CDKL5: variants seen among roughly 807,000 people sequenced by gnomAD.
CDKL5 encodes the protein cyclin-dependent kinase-like 5.
CDKL5 carries 8 observed loss-of-function variants against 61.7 expected under a neutral mutation model. That is an observed-to-expected ratio of 0.13 (90% confidence interval 0.08 to 0.23). The LOEUF (loss-of-function observed/expected upper bound fraction) is 0.23. Among genes scored for constraint, CDKL5 ranks in the 10% least tolerant of loss-of-function variants. The pLI is 1.00. For synonymous variants in CDKL5, 275 were observed against 272.3 expected (o/e 1.01, Z -0.10); for missense variants, 440 against 734.5 (o/e 0.60, Z 4.63).
At chrX:18,480,346 C>T (rs746612593) in intron 1 of CDKL5, among the ~76,000 whole-genome samples, 6 of 111,570 alleles carry the variant, frequency 5.4e-5, no homozygotes, top group Non-Finnish European at 1.1e-4. Flanking sequence ...AGGAAGACCA[C>T]GTAAGTAAAG....
At chrX:18,572,917 G>GT (rs1308137272) in intron 4 of CDKL5, among the ~76,000 whole-genome samples, 2 of 112,019 alleles carry the variant, frequency 1.8e-5, no homozygotes, top group Admixed American at 9.5e-5. Flanking sequence ...AAGAAAAATG[G>GT]TAAGAAGTTC....
At chrX:18,552,443 T>C (rs1466413804) in intron 3 of CDKL5, among the ~76,000 whole-genome samples, 1 of 111,738 alleles carries the variant, frequency 8.9e-6, no homozygotes, top group East Asian at 2.8e-4. Context: ...ACAGGATATA[T>C]GTTTTACATT....
At chrX:18,595,140 C>T (rs940309951) in intron 9 of CDKL5, among the ~76,000 whole-genome samples, 10 of 112,031 alleles carry the variant, frequency 8.9e-5, no homozygotes, top group Non-Finnish European at 1.7e-4. Flanking sequence ...CCAGATCGCA[C>T]CATTGCATTC....
Position 18,632,700 on chromosome X carries a change from A to G in CDKL5, c.*3943A>G. The G allele has an allele frequency of 1.9e-5, 14 of 753,933 alleles. No homozygotes were observed. The highest frequency in any genetic ancestry group is 2.2e-5 in the Non-Finnish European group (14 of 638,949). The allele number at this position is 753,933 out of a possible 1,213,427, so 62.1% of individuals were successfully genotyped here. The stretch of plus-strand genomic sequence containing the variant: ...GCTCAGAGCTATGCTGTCAGTCTCT[A>G]GTCACGCCATGTATTATAAAGTATG... On this transcript the variant is annotated 3_prime_UTR_variant, in exon 18 of 18. Coordinates refer to ENST00000623535, the MANE Select transcript of CDKL5 (RefSeq NM_001323289.2).
At chrX:18,470,802 C>G (rs1921067120) in intron 1 of CDKL5, among the ~76,000 whole-genome samples, 1 of 111,881 alleles carries the variant, frequency 8.9e-6, no homozygotes, top group Non-Finnish European at 1.9e-5. Context: ...AGGCTTTTTT[C>G]TGGAGAGTTC....
intron 20 of CDKL5, chrX:18,646,194 C>T (rs919006165): frequency 8.8e-7 from 1 of 1,138,874 alleles, no homozygotes; most frequent in African/African-American, 1.8e-5. Context: ...CTCTGTCGCC[C>T]AGGCTGGTGT....
Position 18,631,019 on chromosome X carries a change from G to A in CDKL5, c.*2262G>A, listed in dbSNP as rs1927219362. ...TTTTTCTCTGGAAAGACTTCTCACT[G>A]TGCTATGCGCTTAGGAACTGCACGG... is the stretch of plus-strand genomic sequence containing the variant. On this transcript the variant is annotated 3_prime_UTR_variant, in exon 18 of 18. Coordinates refer to ENST00000623535, the MANE Select transcript of CDKL5 (RefSeq NM_001323289.2). 1.3e-6 allele frequency: 1 copy of A among 747,194 alleles called. No individual in the cohort carries two copies. Among genetic ancestry groups the A allele is most frequent in the South Asian group, 7.0e-5 (1 of 14,298 alleles). 61.6% of individuals were successfully genotyped at this position (747,194 alleles called of 1,213,427 possible).
chrX:18,582,715 T>G (rs761424020), intron 7 of CDKL5, among the ~76,000 whole-genome samples: 1 of 111,177 alleles, frequency 9.0e-6, no homozygotes, highest in Non-Finnish European at 1.9e-5. Context: ...ATCCATCTCC[T>G]TATAAGGAAA....
chrX:18,489,953 T>C (rs1181929641), intron 1 of CDKL5, among the ~76,000 whole-genome samples: 2 of 111,243 alleles, frequency 1.8e-5, no homozygotes, highest in East Asian at 2.8e-4. Context: ...TGGGCACATA[T>C]ATATTCTCAG....
chrX:18,490,731 G>A (rs1296007311), intron 1 of CDKL5, among the ~76,000 whole-genome samples: 1 of 111,524 alleles, frequency 9.0e-6, no homozygotes, highest in Non-Finnish European at 1.9e-5. Context: ...TCAATTAATG[G>A]TCTTGATGAA....
intron 9 of CDKL5, among the ~76,000 whole-genome samples, chrX:18,594,201 G>C (rs1459847868): frequency 8.9e-6 from 1 of 112,068 alleles, no homozygotes; most frequent in African/African-American, 3.2e-5. Flanking sequence ...TGTTGGTATA[G>C]AGGAAATAAT....
intron 1 of CDKL5, among the ~76,000 whole-genome samples, chrX:18,454,233 TTTC>T (rs1932088100): frequency 1.8e-5 from 2 of 111,420 alleles, no homozygotes; most frequent in African/African-American, 3.3e-5. Flanking sequence ...CATACTTTTC[TTTC>T]TTCTTTCTTT....
At chrX:18,595,490 A>G (rs1925962769) in intron 10 of CDKL5, 62 bp downstream of exon 10, 1 of 733,162 alleles carries the variant, frequency 1.4e-6, no homozygotes, top group African/African-American at 2.1e-5. Context: ...TTTTGTGTCT[A>G]CATGTGACCA....
chrX:18,596,479 A>G (rs1569217469), intron 10 of CDKL5, among the ~76,000 whole-genome samples: 1 of 112,330 alleles, frequency 8.9e-6, no homozygotes, highest in African/African-American at 3.2e-5. Flanking sequence ...TTCCAAATTT[A>G]ATTAAATACT....
In CDKL5 at chrX:18,638,453, A is replaced by C. The variant is rs190492859; in HGVS notation, c.*9696A>C. ...ACACTATGTATAATTTTTAATTGAA[A>C]GTTTCCCCCACAAAAGAAATGATAC... On this transcript the variant is annotated 3_prime_UTR_variant, in exon 18 of 18. Transcript: ENST00000623535. 1 of 112,233 alleles carries C rather than the reference A, an allele frequency of 8.9e-6. No individual in the cohort carries two copies. The highest frequency in any genetic ancestry group is 3.2e-5 in the African/African-American group (1 of 30,917). The allele number at this position is 112,233 out of a possible 1,213,427, so 9.2% of individuals were successfully genotyped here.
chrX:18,483,712 A>G (rs751502184), intron 1 of CDKL5, among the ~76,000 whole-genome samples: 1 of 110,749 alleles, frequency 9.0e-6, no homozygotes, highest in South Asian at 3.9e-4. Context: ...GAGCCACCTC[A>G]CCTGGCCTCA....
intron 3 of CDKL5, among the ~76,000 whole-genome samples, chrX:18,538,420 A>G (rs1923914247): frequency 9.0e-6 from 1 of 111,485 alleles, no homozygotes; most frequent in Admixed American, 9.6e-5. Flanking sequence ...ATGGACCAAA[A>G]ATTTTAATTT....
At chrX:18,569,462 A>C (rs893504001) in intron 4 of CDKL5, among the ~76,000 whole-genome samples, 2 of 112,100 alleles carry the variant, frequency 1.8e-5, no homozygotes, top group African/African-American at 6.5e-5. Context: ...TACTTTTCAG[A>C]CTATGTATAA....
intron 3 of CDKL5, among the ~76,000 whole-genome samples, chrX:18,515,484 A>G (rs1006429175): frequency 1.8e-5 from 2 of 111,895 alleles, no homozygotes; most frequent in African/African-American, 6.5e-5. Context: ...ATCTTACGTT[A>G]GAGAACTGAA....
Sources: allele counts gnomAD v4.1 joint callset (sites outside exome capture counted in the v4.1 genomes callset), GRCh38; gene constraint gnomAD v4.1.1; transcripts MANE v1.5; gene names NCBI Gene and HGNC (gene_info 2026-07-23, HGNC 2026-07-21).